NR5A2: variants seen among roughly 807,000 people sequenced by gnomAD.
The protein encoded by NR5A2 is nuclear receptor subfamily 5 group A member 2, also known as CYP7A promoter-binding factor.
Under a neutral mutation model 62.7 loss-of-function variants are expected in NR5A2, and 26 were observed. That is an observed-to-expected ratio of 0.41 (90% confidence interval 0.30 to 0.58). NR5A2 has a LOEUF of 0.58. NR5A2 is among the 20% of genes least tolerant of loss of function. The pLI, the probability that NR5A2 is intolerant of heterozygous loss-of-function variation, is 0.22. For synonymous variants in NR5A2, 246 were observed against 241.7 expected, an observed-to-expected ratio of 1.02 and a Z score of -0.16; for missense variants, 541 against 669.1, an observed-to-expected ratio of 0.81 and a Z score of 2.11.
chr1:200,152,694 A>G (rs1653186241), intron 7 of NR5A2, among the ~76,000 whole-genome samples: 1 of 152,130 alleles, frequency 6.6e-6, no homozygotes, highest in Admixed American at 6.5e-5. Flanking sequence ...TTTTTTTCAT[A>G]GTTTTCCCAA....
chr1:200,155,030 G>A (rs966892756), intron 7 of NR5A2, among the ~76,000 whole-genome samples: 1 of 152,224 alleles, frequency 6.6e-6, no homozygotes, highest in African/African-American at 2.4e-5. Flanking sequence ...ATTCAATAAA[G>A]CTTCAGGAGG....
rs761597625 is a variant in NR5A2, at chr1:200,173,934, T to G, written c.1379-29T>G. On this transcript the variant is annotated intron_variant, in intron 7 of 7. Coordinates refer to ENST00000367362, the MANE Select transcript of NR5A2 (RefSeq NM_205860.3). ...AGGAATTGAAATGCTATTGAAATGT[T>G]GCTTTTTTTTTTTTTTTTTTTAATG... is the stretch of plus-strand genomic sequence containing the variant. 6 of 1,352,324 alleles carry G rather than the reference T, an allele frequency of 4.4e-6. No homozygotes were observed. The African/African-American group carries it at 8.2e-5, about 18-fold the overall frequency. 83.8% of individuals were successfully genotyped at this position (1,352,324 alleles called of 1,614,324 possible).
At chr1:200,114,540 A>G (rs1666129543) in intron 6 of NR5A2, among the ~76,000 whole-genome samples, 1 of 152,140 alleles carries the variant, frequency 6.6e-6, no homozygotes, top group Non-Finnish European at 1.5e-5. Flanking sequence ...CATATTTAGC[A>G]AGTCGCTTTA....
Position 200,147,405 on chromosome 1 carries a change from T to C in NR5A2, c.1378+26450T>C. The C allele has an allele frequency of 2.3e-6, 1 of 439,290 alleles. No homozygotes were observed. Among genetic ancestry groups the C allele is most frequent in the South Asian group, 1.9e-5 (1 of 53,392 alleles). The allele number at this position is 439,290 out of a possible 1,614,324, so 27.2% of individuals were successfully genotyped here. On this transcript the variant is annotated intron_variant, in intron 7 of 7. Coordinates refer to ENST00000367362, the MANE Select transcript of NR5A2 (RefSeq NM_205860.3). The surrounding 1 kb of genome is among the most constrained non-coding windows in gnomAD (Gnocchi z 4.9). ...GTTCCTCTCGGAGTCTGTATGGGTC[T>C]GGGCGAGATGCAGGCAGCTTATCTG...
At chr1:200,109,148 T>C (rs890308202) in intron 5 of NR5A2, among the ~76,000 whole-genome samples, 4 of 152,220 alleles carry the variant, frequency 2.6e-5, no homozygotes, top group African/African-American at 9.6e-5. Flanking sequence ...CACCAAAGAA[T>C]TGGCTCTCAA....
At chr1:200,051,054 G>A (rs2821371) in intron 5 of NR5A2, among the ~76,000 whole-genome samples, 68,037 of 152,068 alleles carry the variant, frequency 0.45, 19,226 homozygotes, top group African/African-American at 0.8. Flanking sequence ...GTATGATTTT[G>A]TTATAATTAA....
chr1:200,174,347 G>A lies in NR5A2; in HGVS notation c.*137G>A. Reference sequence around the variant, plus strand: ...ATTAAAAACTTGCTTTAAAGATATTGAATTTAAAAAGGCATAATAATCAAA... The same window carrying A: ...ATTAAAAACTTGCTTTAAAGATATTAAATTTAAAAAGGCATAATAATCAAA... On this transcript the variant is annotated 3_prime_UTR_variant, in exon 8 of 8. Transcript: ENST00000367362. The A allele has an allele frequency of 1.1e-6, 1 of 896,564 alleles. No individual in the cohort carries two copies. The highest frequency in any genetic ancestry group is 1.5e-6 in the Non-Finnish European group (1 of 655,380). The allele number at this position is 896,564 out of a possible 1,614,324, so 55.5% of individuals were successfully genotyped here.
chr1:200,114,191 T>TAAAA (rs72307120), intron 6 of NR5A2, among the ~76,000 whole-genome samples: 67,032 of 151,400 alleles, frequency 0.44, 15,039 homozygotes, highest in Admixed American at 0.46. Context: ...TCAAAAAAAA[T>TAAAA]AATAGAAAAG....
rs376382478 is a variant in NR5A2 at position 200,110,056 on chromosome 1, T to C, written c.1111-1146T>C. Among the ~76,000 whole-genome samples, 7 of 152,344 alleles carry C rather than the reference T, an allele frequency of 4.6e-5. No homozygotes were observed. In the South Asian group the frequency reaches 6.2e-4, roughly 14 times the overall value. On this transcript the variant is annotated intron_variant, in intron 5 of 7. Coordinates refer to ENST00000367362, the MANE Select transcript of NR5A2 (RefSeq NM_205860.3). ...CTAGGATTACAGGCATGAGCCATTG[T>C]GCCTAGCCAATAAGTCTTTAGACAT...
intron 7 of NR5A2, among the ~76,000 whole-genome samples, chr1:200,132,530 T>C (rs1393410534): frequency 1.3e-5 from 2 of 152,200 alleles, no homozygotes; most frequent in Non-Finnish European, 2.9e-5. Flanking sequence ...CTATTCTCCT[T>C]GATTACATTT....
chr1:200,077,719 G>GAAACAA (rs2102229255), intron 5 of NR5A2, among the ~76,000 whole-genome samples: 1 of 113,286 alleles, frequency 8.8e-6, no homozygotes, highest in East Asian at 2.5e-4. Context: ...GTCTCAAACA[G>GAAACAA]AAACAAAAAC....
At chr1:200,070,923 A>G (rs1272481673) in intron 5 of NR5A2, among the ~76,000 whole-genome samples, 1 of 152,212 alleles carries the variant, frequency 6.6e-6, no homozygotes, top group Admixed American at 6.5e-5. Context: ...GAATTCTGGA[A>G]GAATCTGCAG....
At chr1:200,162,524 A>C (rs1024462665) in intron 7 of NR5A2, among the ~76,000 whole-genome samples, 16 of 152,186 alleles carry the variant, frequency 1.1e-4, no homozygotes, top group Non-Finnish European at 8.8e-5. Context: ...AGCAGAGGGA[A>C]CTAGAGGACA....
At chr1:200,069,798 A>G (rs16845873) in intron 5 of NR5A2, among the ~76,000 whole-genome samples, 8,934 of 152,252 alleles carry the variant, frequency 0.059, 388 homozygotes, top group East Asian at 0.16. Context: ...TTCATGCCAA[A>G]GTAAAAAGAT....
At chr1:200,156,402 A>G (rs551802308) in intron 7 of NR5A2, among the ~76,000 whole-genome samples, 1 of 152,154 alleles carries the variant, frequency 6.6e-6, no homozygotes, top group African/African-American at 2.4e-5. Flanking sequence ...CCATACAACC[A>G]TTCTGGTTTT....
At chr1:200,091,484 CTTTT>C (rs35491701) in intron 5 of NR5A2, among the ~76,000 whole-genome samples, 8 of 126,516 alleles carry the variant, frequency 6.3e-5, no homozygotes, top group East Asian at 2.3e-4. Flanking sequence ...TGCTCTCTTT[CTTTT>C]TTTTTTTTTT....
intron 5 of NR5A2, among the ~76,000 whole-genome samples, chr1:200,052,502 GTCCTTT>G (rs1384597506): frequency 6.6e-6 from 1 of 151,958 alleles, no homozygotes; most frequent in Non-Finnish European, 1.5e-5. Context: ...TTAAATATCT[GTCCTTT>G]TCCTTGGTAA....
rs570092551 is a variant in NR5A2 at position 200,068,397 on chromosome 1, A to C, written c.1110+19579A>C. On this transcript the variant is annotated intron_variant, in intron 5 of 7. Transcript: ENST00000367362. ...AATTCTTCAGTCTCCCAATATTCCAACAGGACTTAGTTTCCCACTACTTCG... is the reference window on the plus strand; with the variant it reads ...AATTCTTCAGTCTCCCAATATTCCACCAGGACTTAGTTTCCCACTACTTCG... Among the ~76,000 whole-genome samples, 12 of 152,276 alleles carry C rather than the reference A, an allele frequency of 7.9e-5. No individual in the cohort carries two copies. The South Asian group carries it at 2.5e-3, about 32-fold the overall frequency.
intron 5 of NR5A2, among the ~76,000 whole-genome samples, chr1:200,064,023 C>A (rs771313634): frequency 3.3e-5 from 5 of 152,076 alleles, no homozygotes; most frequent in Non-Finnish European, 5.9e-5. Flanking sequence ...GTGGCTTATG[C>A]CTGTAATCCC....
Sources: allele counts gnomAD v4.1 joint callset (sites outside exome capture counted in the v4.1 genomes callset), GRCh38; gene constraint gnomAD v4.1.1; non-coding constraint Gnocchi (gnomAD v3.1); transcripts MANE v1.5; gene names NCBI Gene and HGNC (gene_info 2026-07-23, HGNC 2026-07-21).